The following NPNT variants were observed in gnomAD, a reference collection of about 807,000 sequenced individuals.
NPNT encodes preosteoblast EGF-like repeat protein with MAM domain.
Under a neutral mutation model 68.6 loss-of-function variants are expected in NPNT, and 45 were observed. That is an observed-to-expected ratio of 0.66 (90% confidence interval 0.52 to 0.84). The LOEUF (loss-of-function observed/expected upper bound fraction) is 0.84. Among genes scored for constraint, NPNT ranks in the 40% least tolerant of loss-of-function variants. The pLI, the probability that NPNT is intolerant of heterozygous loss-of-function variation, is 0.00. For missense variants in NPNT, 672 were observed against 714.8 expected (o/e 0.94, Z 0.68); for synonymous variants, 233 against 253.3 (o/e 0.92, Z 0.76).
Position 105,898,192 on chromosome 4 carries a change from G to T in NPNT, c.172+191G>T, listed in dbSNP as rs1053372922. On this transcript the variant is annotated intron_variant, in intron 2 of 11. Transcript: ENST00000379987. ...TTCAGCTTTAGCCACCTGTATTACG[G>T]CCCAGCTTTGTCATTCACAGAGAGC... is the stretch of plus-strand genomic sequence containing the variant. The T allele has an allele frequency of 2.3e-4, 95 of 413,150 alleles. 1 individual carries two copies. Among genetic ancestry groups the T allele is most frequent in the African/African-American group, 1.7e-3 (84 of 48,690 alleles). The allele number at this position is 413,150 out of a possible 1,614,324, so 25.6% of individuals were successfully genotyped here.
intron 10 of NPNT, among the ~76,000 whole-genome samples, chr4:105,962,522 G>C (rs1056964408): frequency 1.3e-5 from 2 of 152,002 alleles, no homozygotes; most frequent in African/African-American, 4.8e-5. Context: ...ATTTGACTGG[G>C]TGACATATGG....
rs1276034652 is a variant in NPNT, at chr4:105,970,639, TA to T, written c.*1656del. 4 of 610,978 alleles carry T rather than the reference TA, an allele frequency of 6.5e-6. No homozygotes were observed. Among genetic ancestry groups the T allele is most frequent in the Admixed American group, 2.4e-5 (1 of 41,636 alleles). 37.8% of individuals were successfully genotyped at this position (610,978 alleles called of 1,614,324 possible). ...CAGGGGCCATTGTTAGAATACTTCA[TA>T]AAAAAAGAAGTGTGAAAATCTCAGT... On this transcript the variant is annotated 3_prime_UTR_variant, in exon 12 of 12. Transcript: ENST00000379987.
intron 2 of NPNT, among the ~76,000 whole-genome samples, chr4:105,921,398 G>A (rs1037176613): frequency 2.3e-4 from 35 of 152,166 alleles, no homozygotes; most frequent in African/African-American, 4.3e-4. Context: ...GTAAAATGAA[G>A]ATAGTGTCTG....
intron 3 of NPNT, among the ~76,000 whole-genome samples, chr4:105,931,319 A>G (rs1004114660): frequency 6.6e-6 from 1 of 152,202 alleles, no homozygotes; most frequent in African/African-American, 2.4e-5. Flanking sequence ...GAAAATATTT[A>G]TAAATGTCAA....
At chr4:105,953,338 A>G (rs1240467251) in intron 8 of NPNT, among the ~76,000 whole-genome samples, 2 of 152,106 alleles carry the variant, frequency 1.3e-5, no homozygotes, top group Non-Finnish European at 2.9e-5. Context: ...TTTTTTGCCA[A>G]TTTTGCTCTT....
chr4:105,950,197 C>A (rs4699203), intron 8 of NPNT, among the ~76,000 whole-genome samples: 137,064 of 152,198 alleles, frequency 0.9, 62,005 homozygotes, highest in East Asian at 1. Context: ...AATGTGATAG[C>A]TATGTCCAAT....
At chr4:105,923,849 T>G (rs1360970200) in intron 2 of NPNT, among the ~76,000 whole-genome samples, 1 of 151,862 alleles carries the variant, frequency 6.6e-6, no homozygotes, top group Non-Finnish European at 1.5e-5. Flanking sequence ...CATCCCCCAC[T>G]CAAAAAAATA....
intron 2 of NPNT, among the ~76,000 whole-genome samples, chr4:105,915,644 C>A (rs745354502): frequency 5.9e-5 from 9 of 152,126 alleles, no homozygotes; most frequent in Non-Finnish European, 1.2e-4. Context: ...ATCAAGATTA[C>A]TCCCAAGTCT....
intron 2 of NPNT, among the ~76,000 whole-genome samples, chr4:105,919,264 G>A (rs1236416799): frequency 2.0e-5 from 3 of 150,496 alleles, no homozygotes; most frequent in South Asian, 4.2e-4. Flanking sequence ...CTTCCTTCCC[G>A]CCTCACCCTT....
intron 2 of NPNT, among the ~76,000 whole-genome samples, chr4:105,914,482 G>T (rs116328645): frequency 0.096 from 13,013 of 135,898 alleles, 870 homozygotes; most frequent in African/African-American, 0.2. Context: ...TATATATATA[G>T]AGAGAGAGAT....
intron 11 of NPNT, 121 bp from the exon 12 acceptor site, chr4:105,968,774 T>C (rs1271452569): frequency 1.7e-6 from 1 of 605,976 alleles, no homozygotes; most frequent in Non-Finnish European, 3.0e-6. Context: ...TTCTGTTTTT[T>C]TCCTCCTGCA....
intron 2 of NPNT, among the ~76,000 whole-genome samples, chr4:105,914,480 TAGAG>T (rs1560897092): frequency 1.5e-5 from 2 of 137,298 alleles, no homozygotes; most frequent in African/African-American, 5.5e-5. Flanking sequence ...ATTATATATA[TAGAG>T]AGAGAGATAA....
chr4:105,940,284 T>G, intron 6 of NPNT, 75 bp downstream of exon 6: 3 of 1,470,760 alleles, frequency 2.0e-6, no homozygotes, highest in South Asian at 2.3e-5. Flanking sequence ...TGGTGATGGC[T>G]GGAATGTCAG....
intron 8 of NPNT, among the ~76,000 whole-genome samples, chr4:105,945,496 A>G (rs1179232624): frequency 6.6e-6 from 1 of 152,152 alleles, no homozygotes; most frequent in Admixed American, 6.5e-5. Context: ...ATCCCAGGTA[A>G]TGGGACCTCT....
At chr4:105,917,857 G>C (rs963047166) in intron 2 of NPNT, among the ~76,000 whole-genome samples, 1 of 152,138 alleles carries the variant, frequency 6.6e-6, no homozygotes, top group Non-Finnish European at 1.5e-5. Context: ...ATAGGCAAGG[G>C]TCATATCATG....
intron 3 of NPNT, among the ~76,000 whole-genome samples, chr4:105,933,245 A>C (rs916433617): frequency 6.6e-6 from 1 of 152,220 alleles, no homozygotes; most frequent in Admixed American, 6.5e-5. Context: ...ACAGGGAGAC[A>C]GTAATTCCTG....
rs367957343 is a variant in NPNT, at chr4:105,940,521, C to G, written c.648C>G (p.Asp216Glu). ...IGGKYQCHDI[D>E]ECSLGQYQCS... is the part of the protein sequence containing the mutation. ...TCCTACTTTCTGATGCAGACATAGA[C>G]GAATGCTCACTTGGTCAGTATCAGT... Residue 216 changes from aspartate to glutamate, a missense_variant, in exon 7 of 12, where the codon GAC becomes GAG. By Grantham distance (45) the Asp-to-Glu change is conservative (BLOSUM62 2). Coordinates refer to ENST00000379987, the MANE Select transcript of NPNT (RefSeq NM_001033047.3). 6.2e-7 allele frequency: 1 copy of G among 1,612,342 alleles called. No homozygotes were observed. Among genetic ancestry groups the G allele is most frequent in the Non-Finnish European group, 8.5e-7 (1 of 1,178,846 alleles).
At chr4:105,896,444 C>G (rs1253330616) in intron 1 of NPNT, among the ~76,000 whole-genome samples, 2 of 152,066 alleles carry the variant, frequency 1.3e-5, no homozygotes, top group Non-Finnish European at 2.9e-5. Flanking sequence ...TCCTCCCGCG[C>G]TCCGGGGCCG....
chr4:105,907,647 A>T (rs1448949121), intron 2 of NPNT, among the ~76,000 whole-genome samples: 1 of 152,218 alleles, frequency 6.6e-6, no homozygotes. Context: ...ATAGAAAAAT[A>T]CTAGTAGCAT....
Sources: allele counts gnomAD v4.1 joint callset (sites outside exome capture counted in the v4.1 genomes callset), GRCh38; gene constraint gnomAD v4.1.1; transcripts MANE v1.5; gene names NCBI Gene and HGNC (gene_info 2026-07-23, HGNC 2026-07-21).